Variants in MAJIN observed in about 807,000 individuals in gnomAD.
MAJIN encodes membrane-anchored junction protein.
In MAJIN, 27 loss-of-function variants were observed where a neutral mutation model predicts 30.2. The ratio of observed to expected loss-of-function variants is 0.89; its 90% confidence interval spans 0.66 to 1.23. MAJIN has a LOEUF of 1.23. Ranked by LOEUF, MAJIN falls within the 50% of genes most tolerant of loss-of-function variation. MAJIN has a pLI of 0.00. For synonymous variants in MAJIN, 78 were observed against 91.6 expected, an observed-to-expected ratio of 0.85 and a Z score of 0.85; for missense variants, 253 against 260.3, an observed-to-expected ratio of 0.97 and a Z score of 0.19.
chr11:64,948,557 G>C (rs935981442), intron 6 of MAJIN, among the ~76,000 whole-genome samples: 19 of 122,280 alleles, frequency 1.6e-4, no homozygotes, highest in Middle Eastern at 6.0e-3. Context: ...AGCCTCCAGA[G>C]TAGCTGGGAC....
intron 1 of MAJIN, among the ~76,000 whole-genome samples, chr11:64,961,718 C>A (rs560505861): frequency 6.9e-6 from 1 of 144,826 alleles, no homozygotes; most frequent in East Asian, 2.1e-4. Context: ...CCTTGTGATC[C>A]GCCCGCCTCG....
rs117238220 is a variant in MAJIN, at chr11:64,950,808, C to A, written c.148-378G>T. 4.2e-3 allele frequency among the ~76,000 whole-genome samples: 632 copies of A among 152,210 alleles called. 4 individuals carry two copies. The highest frequency in any genetic ancestry group is 7.2e-3 in the Non-Finnish European group (491 of 68,000). ...TGTTGCCCAGGATGGTCTTGAACTC[C>A]TGGGCTCAAGTGCTCTGCCCTCCTC... is the stretch of plus-strand genomic sequence containing the variant. On this transcript the variant is annotated intron_variant, in intron 4 of 10. Coordinates refer to ENST00000301896, the MANE Select transcript of MAJIN (RefSeq NM_001037225.3).
chr11:64,968,574 C>T (rs950318927), intron 1 of MAJIN, among the ~76,000 whole-genome samples: 6 of 151,716 alleles, frequency 4.0e-5, no homozygotes, highest in Admixed American at 2.0e-4. Context: ...GTGGCTCACG[C>T]CTGTAATCCC....
intron 10 of MAJIN, 81 bp from the exon 11 acceptor site, chr11:64,938,654 G>C (rs759048578): frequency 1.2e-4 from 169 of 1,449,326 alleles, no homozygotes; most frequent in Non-Finnish European, 1.5e-4. Context: ...TGCTTCACTA[G>C]CTAGGGCATT....
chr11:64,939,611 A>T, intron 10 of MAJIN, 51 bp downstream of exon 10: 1 of 1,502,972 alleles, frequency 6.7e-7, no homozygotes, highest in Non-Finnish European at 9.2e-7. Flanking sequence ...AGACTCAATG[A>T]GCCGCTCTGA....
intron 8 of MAJIN, among the ~76,000 whole-genome samples, chr11:64,941,155 AT>A (rs1400685180): frequency 1.3e-5 from 2 of 151,796 alleles, no homozygotes; most frequent in Non-Finnish European, 2.9e-5. Flanking sequence ...TCGTTTTTTC[AT>A]TTCAACATCC....
At chr11:64,952,182 C>T (rs1309111868) in intron 4 of MAJIN, among the ~76,000 whole-genome samples, 2 of 152,006 alleles carry the variant, frequency 1.3e-5, no homozygotes, top group African/African-American at 4.8e-5. Context: ...AGCGACCACG[C>T]CCGGCCTTTT....
chr11:64,971,581 C>T (rs948018010), intron 1 of MAJIN, among the ~76,000 whole-genome samples: 1 of 152,152 alleles, frequency 6.6e-6, no homozygotes, highest in Admixed American at 6.5e-5. Flanking sequence ...GCCGGTCACT[C>T]GCCCGAAGGA....
rs541639661 is a variant in MAJIN, at chr11:64,972,065, C to G, written c.-253G>C. The G allele has an allele frequency of 3.3e-5, 5 of 152,220 alleles. No individual in the cohort carries two copies. Among genetic ancestry groups the G allele is most frequent in the African/African-American group, 9.6e-5 (4 of 41,462 alleles). 9.4% of individuals were successfully genotyped at this position (152,220 alleles called of 1,614,324 possible). A position where few individuals can be genotyped will look rare whatever the true frequency, so the allele number is the denominator to read the frequency against. ...CGCCAGCTCCTAAGCAACTTCGGGG[C>G]TCGTGCCGCGCACCCACCAGGCCTT... On this transcript the variant is annotated 5_prime_UTR_variant, in exon 1 of 11. Transcript: ENST00000301896.
At chr11:64,939,997 G>C in intron 9 of MAJIN, 1 of 418,198 alleles carries the variant, frequency 2.4e-6, no homozygotes, top group Non-Finnish European at 4.3e-6. Flanking sequence ...CACAGCTCAA[G>C]TTCCAGCCAT....
In MAJIN at chr11:64,939,688, T is replaced by C; in HGVS notation, c.626A>G (p.Gln209Arg). The C allele has an allele frequency of 6.2e-7, 1 of 1,614,084 alleles. No individual in the cohort carries two copies. Among genetic ancestry groups the C allele is most frequent in the Non-Finnish European group, 8.5e-7 (1 of 1,179,968 alleles). The change falls in exon 10 of 11, where the codon CAG becomes CGG. Residue 209 changes from glutamine to arginine, a missense_variant. By Grantham distance (43) the Gln-to-Arg change is conservative. Transcript: ENST00000301896. Reference sequence around the variant, plus strand: ...TTAGAAACCCAAAGAAGCCGGTGGCTGCTCGCTCCTTAGGTGGAGGTGAGT... The same window carrying C: ...TTAGAAACCCAAAGAAGCCGGTGGCCGCTCGCTCCTTAGGTGGAGGTGAGT... Reference protein sequence around the residue: ...STTHLHLRSEQPPASLGF With the variant: ...STTHLHLRSERPPASLGF
chr11:64,968,478 T>C (rs1945845940), intron 1 of MAJIN, among the ~76,000 whole-genome samples: 1 of 151,712 alleles, frequency 6.6e-6, no homozygotes, highest in Non-Finnish European at 1.5e-5. Context: ...CCCATGCTGG[T>C]CTCGAACTCC....
chr11:64,950,572 AT>A, intron 4 of MAJIN, 142 bp from the exon 5 acceptor site: 2 of 685,556 alleles, frequency 2.9e-6, no homozygotes, highest in Non-Finnish European at 4.7e-6. Context: ...CTGATTCTCC[AT>A]TTCTTTTTCT....
intron 10 of MAJIN, among the ~76,000 whole-genome samples, chr11:64,939,124 G>A (rs1312323730): frequency 6.6e-6 from 1 of 151,646 alleles, no homozygotes; most frequent in African/African-American, 2.4e-5. Flanking sequence ...TTTTAATCTC[G>A]GCTCACTGCA....
At chr11:64,949,592 A>G in intron 6 of MAJIN, 151 bp downstream of exon 6, 1 of 926,564 alleles carries the variant, frequency 1.1e-6, no homozygotes, top group African/African-American at 1.6e-5. Context: ...GACCACCAGT[A>G]TTTGAACCGG....
Position 64,940,615 on chromosome 11 carries a change from T to A in MAJIN, c.505A>T (p.Arg169Trp). 1 of 1,614,056 alleles carries A rather than the reference T, an allele frequency of 6.2e-7. No individual in the cohort carries two copies. The highest frequency in any genetic ancestry group is 1.6e-4 in the Middle Eastern group (1 of 6,062). The change falls in exon 9 of 11, where the codon AGG becomes TGG. Residue 169 changes from arginine to tryptophan, a missense_variant. Arg to Trp is a moderately radical substitution (Grantham distance 101). Coordinates refer to ENST00000301896, the MANE Select transcript of MAJIN (RefSeq NM_001037225.3). ...IGKEKPNKDC[R>W]RLWPLISLMS... ...AGTGATATCAGAGGCCAGAGTCTCC[T>A]GCAATCCTTGTTGGGTTTTTCTTTC...
At chr11:64,942,622 C>T (rs1034937058) in intron 8 of MAJIN, among the ~76,000 whole-genome samples, 7 of 152,136 alleles carry the variant, frequency 4.6e-5, no homozygotes, top group African/African-American at 7.2e-5. Flanking sequence ...GAATAAACTT[C>T]GGGTTAGAAT....
intron 2 of MAJIN, 88 bp from the exon 3 acceptor site, chr11:64,959,510 T>G: frequency 1.0e-6 from 1 of 988,346 alleles, no homozygotes; most frequent in Non-Finnish European, 1.5e-6. Flanking sequence ...GTAACATCTC[T>G]TCATGAGTAA....
At chr11:64,968,605 C>T (rs527292105) in intron 1 of MAJIN, among the ~76,000 whole-genome samples, 4 of 151,608 alleles carry the variant, frequency 2.6e-5, no homozygotes, top group South Asian at 2.1e-4. Context: ...GAGGCTGAGG[C>T]GGGCGGATCA....
Sources: gnomAD v4.1 joint callset for allele counts (sites outside exome capture counted in the v4.1 genomes callset) on GRCh38, gnomAD v4.1.1 for gene constraint, MANE v1.5 for transcripts, NCBI Gene and HGNC (gene_info 2026-07-23, HGNC 2026-07-21) for gene names.